The following RAC1 variants were observed in gnomAD, a reference collection of about 807,000 sequenced individuals.
RAC1 encodes Rac family small GTPase 1, also known as ras-related C3 botulinum toxin substrate 1.
In RAC1, 2 loss-of-function variants were observed where a neutral mutation model predicts 25.2. That is an observed-to-expected ratio of 0.08 (90% CI 0.03 to 0.25). The LOEUF (loss-of-function observed/expected upper bound fraction) is 0.25. Among genes scored for constraint, RAC1 ranks in the 10% least tolerant of loss-of-function variants. RAC1 has a pLI of 1.00. For missense variants in RAC1, 50 were observed against 235.7 expected, an observed-to-expected ratio of 0.21 and a Z score of 5.16; for synonymous variants, 88 against 94.0, an observed-to-expected ratio of 0.94 and a Z score of 0.37.
intron 3 of RAC1, chr7:6,398,719 G>C (rs560647572): frequency 2.5e-6 from 4 of 1,613,122 alleles, no homozygotes; most frequent in Admixed American, 1.7e-5. Flanking sequence ...GCCGATTGCC[G>C]TATGTAAAAC....
At chr7:6,399,485 TA>T (rs753622485) in intron 3 of RAC1, among the ~76,000 whole-genome samples, 37 of 152,350 alleles carry the variant, frequency 2.4e-4, no homozygotes, top group Admixed American at 1.6e-3. Context: ...AAGCACCCTC[TA>T]CTCTGTCCTC....
intron 3 of RAC1, among the ~76,000 whole-genome samples, chr7:6,397,858 G>A (rs1783288611): frequency 6.6e-6 from 1 of 152,156 alleles, no homozygotes; most frequent in South Asian, 2.1e-4. Context: ...GCGTGGTGGT[G>A]TGTGCCTGTA....
intron 1 of RAC1, among the ~76,000 whole-genome samples, chr7:6,376,384 A>T (rs1782594727): frequency 6.6e-6 from 1 of 150,912 alleles, no homozygotes; most frequent in East Asian, 1.9e-4. Flanking sequence ...GGGTTTCACC[A>T]TGTTGGCCTG....
chr7:6,392,837 C>CT (rs982806759), intron 3 of RAC1, among the ~76,000 whole-genome samples: 28 of 152,330 alleles, frequency 1.8e-4, no homozygotes, highest in African/African-American at 6.7e-4. Flanking sequence ...TGTCCTAGCT[C>CT]TGTGACTTCA....
Position 6,390,096 on chromosome 7 carries a change from C to CTTTTT in RAC1, c.108-1811_108-1807dup, listed in dbSNP as rs34547258. Among the ~76,000 whole-genome samples, 443 of 74,894 alleles carry CTTTTT rather than the reference C, an allele frequency of 5.9e-3. 12 individuals carry two copies. Among genetic ancestry groups the CTTTTT allele is most frequent in the African/African-American group, 0.016 (250 of 15,844 alleles). The allele number at this position is 74,894 out of a possible 152,430, so 49.1% of individuals were successfully genotyped here. On this transcript the variant is annotated intron_variant, in intron 2 of 5. Coordinates refer to ENST00000348035, the MANE Select transcript of RAC1 (RefSeq NM_006908.5). ...CCTCCCTTGCTCCCTCCCTCCCTCC[C>CTTTTT]TTTTTTTTTTTTTTTTTTTTTGAGA...
chr7:6,379,475 G>C (rs1782703744), intron 1 of RAC1, among the ~76,000 whole-genome samples: 1 of 151,954 alleles, frequency 6.6e-6, no homozygotes, highest in South Asian at 2.1e-4. Flanking sequence ...GTTTCTCCTT[G>C]TTAGCCAGGT....
chr7:6,399,029 G>GT (rs1783325706), intron 3 of RAC1, among the ~76,000 whole-genome samples: 1 of 152,224 alleles, frequency 6.6e-6, no homozygotes, highest in Admixed American at 6.5e-5. Context: ...CCACCTGGCT[G>GT]TGAGCCGAGC....
chr7:6,387,639 C>G (rs187283419), intron 2 of RAC1, among the ~76,000 whole-genome samples: 162 of 151,952 alleles, frequency 1.1e-3, no homozygotes, highest in Non-Finnish European at 1.9e-3. Flanking sequence ...GCAGGAGAAT[C>G]ACTCGAACCG....
chr7:6,376,459 C>T (rs542394026), intron 1 of RAC1, among the ~76,000 whole-genome samples: 4 of 148,788 alleles, frequency 2.7e-5, no homozygotes, highest in African/African-American at 5.0e-5. Context: ...GTTGGGATTA[C>T]AGGCGTAAGC....
intron 1 of RAC1, among the ~76,000 whole-genome samples, chr7:6,386,318 C>A (rs537123114): frequency 2.0e-5 from 3 of 152,210 alleles, no homozygotes; most frequent in African/African-American, 7.2e-5. Context: ...AATGTGATGG[C>A]AGTTACGTGT....
chr7:6,382,139 G>A (rs35240275), intron 1 of RAC1, among the ~76,000 whole-genome samples: 93 of 152,070 alleles, frequency 6.1e-4, no homozygotes, highest in African/African-American at 2.1e-3. Context: ...GATTACAGGC[G>A]CCTGCCACCA....
chr7:6,384,168 C>T (rs1782858579), intron 1 of RAC1, among the ~76,000 whole-genome samples: 1 of 152,058 alleles, frequency 6.6e-6, no homozygotes, highest in Non-Finnish European at 1.5e-5. Flanking sequence ...ACATCCAAAC[C>T]ATGGGTAAGC....
At chr7:6,388,289 C>A (rs1782980266) in intron 2 of RAC1, among the ~76,000 whole-genome samples, 1 of 151,696 alleles carries the variant, frequency 6.6e-6, no homozygotes, top group South Asian at 2.1e-4. Flanking sequence ...ACAACACACA[C>A]CCAGGTGCTC....
At chr7:6,379,751 CT>C (rs1402575096) in intron 1 of RAC1, among the ~76,000 whole-genome samples, 4 of 151,830 alleles carry the variant, frequency 2.6e-5, no homozygotes, top group Non-Finnish European at 4.4e-5. Context: ...TTTTTTATTG[CT>C]TATTACTATT....
At chr7:6,388,677 T>G (rs984607143) in intron 2 of RAC1, among the ~76,000 whole-genome samples, 4 of 152,060 alleles carry the variant, frequency 2.6e-5, no homozygotes, top group Non-Finnish European at 5.9e-5. Flanking sequence ...GTCCCTGTTG[T>G]CCTAAATTTA....
intron 3 of RAC1, among the ~76,000 whole-genome samples, chr7:6,399,501 C>G (rs757615934): frequency 6.6e-6 from 1 of 152,228 alleles, no homozygotes; most frequent in Non-Finnish European, 1.5e-5. Flanking sequence ...GTCCTCTGCA[C>G]CCACCCTTTG....
chr7:6,390,608 T>A (rs836482), intron 2 of RAC1, among the ~76,000 whole-genome samples: 76,888 of 149,768 alleles, frequency 0.51, 20,428 homozygotes, highest in African/African-American at 0.67. Context: ...AAAAAAAAAA[T>A]AATAATAATA....
intron 1 of RAC1, among the ~76,000 whole-genome samples, chr7:6,377,778 G>C (rs1387731611): frequency 2.0e-5 from 3 of 152,070 alleles, no homozygotes; most frequent in Non-Finnish European, 4.4e-5. Context: ...AGCTGGGCAC[G>C]CCTGTAATCC....
chr7:6,381,217 T>C (rs1429199687), intron 1 of RAC1, among the ~76,000 whole-genome samples: 3 of 152,146 alleles, frequency 2.0e-5, no homozygotes, highest in Non-Finnish European at 4.4e-5. Flanking sequence ...TAAATTCTTA[T>C]TTTTGAACTC....
Sources: allele counts gnomAD v4.1 joint callset (sites outside exome capture counted in the v4.1 genomes callset), GRCh38; gene constraint gnomAD v4.1.1; transcripts MANE v1.5; gene names NCBI Gene and HGNC (gene_info 2026-07-23, HGNC 2026-07-21).